The following MYPN variants were observed in gnomAD, a reference collection of about 807,000 sequenced individuals.
The protein encoded by MYPN is myopalladin.
Under a neutral mutation model 129.4 loss-of-function variants are expected in MYPN, and 63 were observed. The ratio of observed to expected loss-of-function variants is 0.49; its 90% CI spans 0.40 to 0.60. The LOEUF (loss-of-function observed/expected upper bound fraction) is 0.60. Ranked by LOEUF, MYPN falls within the 20% of genes least tolerant of loss-of-function variation. MYPN has a pLI of 0.00. For missense variants in MYPN, 1,596 were observed against 1,635.4 expected (o/e 0.98, Z 0.42); for synonymous variants, 629 against 600.9 (o/e 1.05, Z -0.68).
chr10:68,119,081 TA>T (rs1176673840), intron 1 of MYPN, among the ~76,000 whole-genome samples: 3 of 152,186 alleles, frequency 2.0e-5, no homozygotes, highest in Non-Finnish European at 4.4e-5. Context: ...ATTTTCGGTA[TA>T]TTAATTACAT....
At chr10:68,135,502 G>C in intron 2 of MYPN, 1 of 984,876 alleles carries the variant, frequency 1.0e-6, no homozygotes, top group Non-Finnish European at 1.2e-6. Context: ...TGCTTGGAGA[G>C]AGCTGGAAAT....
intron 8 of MYPN, 136 bp from the exon 9 acceptor site, chr10:68,165,566 T>G (rs2043040729): frequency 1.3e-6 from 1 of 747,650 alleles, no homozygotes; most frequent in African/African-American, 1.7e-5. Context: ...ACAATTGTTT[T>G]GACCAATTGT....
intron 13 of MYPN, 100 bp downstream of exon 13, chr10:68,189,226 T>A: frequency 1.2e-6 from 1 of 843,920 alleles, no homozygotes; most frequent in East Asian, 2.5e-5. Flanking sequence ...TTTTTTCTTC[T>A]TTTTTGTATT....
chr10:68,166,150 T>G, intron 9 of MYPN, 144 bp from the exon 10 acceptor site: 1 of 958,758 alleles, frequency 1.0e-6, no homozygotes, highest in East Asian at 2.5e-5. Flanking sequence ...CTTACCATTC[T>G]TTAATGCCCA....
intron 18 of MYPN, among the ~76,000 whole-genome samples, chr10:68,204,960 G>A (rs1278957909): frequency 6.6e-6 from 1 of 151,964 alleles, no homozygotes; most frequent in Non-Finnish European, 1.5e-5. Flanking sequence ...CCTTTGTGCA[G>A]GCTGTTCCAC....
intron 6 of MYPN, among the ~76,000 whole-genome samples, chr10:68,152,839 T>C (rs61857531): frequency 0.13 from 20,381 of 151,972 alleles, 1,684 homozygotes; most frequent in Middle Eastern, 0.22. Flanking sequence ...GGTTTCACCA[T>C]GTTGGTCAGG....
intron 1 of MYPN, among the ~76,000 whole-genome samples, chr10:68,118,639 G>A (rs948039672): frequency 1.3e-5 from 2 of 152,164 alleles, no homozygotes; most frequent in Non-Finnish European, 2.9e-5. Flanking sequence ...TTGGAGACCA[G>A]CCTGGGCAAC....
Position 68,210,904 on chromosome 10 carries a change from A to C in MYPN, c.*449A>C, listed in dbSNP as rs748230333. The C allele has an allele frequency of 2.2e-6, 1 of 455,144 alleles. No homozygotes were observed. The highest frequency in any genetic ancestry group is 1.6e-5 in the South Asian group (1 of 64,476). The allele number at this position is 455,144 out of a possible 1,614,324, so 28.2% of individuals were successfully genotyped here. ...GGCGGACAGGTCACCATCACCTTTC[A>C]TCGATTACATGTATAGCAGTAGTTT... On this transcript the variant is annotated 3_prime_UTR_variant, in exon 20 of 20. Transcript: ENST00000358913.
At chr10:68,173,962 C>T (rs2043184013) in intron 10 of MYPN, 104 bp from the exon 11 acceptor site, 2 of 981,004 alleles carry the variant, frequency 2.0e-6, no homozygotes, top group Non-Finnish European at 3.3e-6. Context: ...CCACCATGCC[C>T]CGCCTATCAT....
chr10:68,189,082 C>A lies in MYPN; in HGVS notation c.2881C>A (p.Pro961Thr), dbSNP rs139996402. 1.2e-6 allele frequency: 2 copies of A among 1,614,132 alleles called. No homozygotes were observed. The highest frequency in any genetic ancestry group is 2.2e-5 in the South Asian group (2 of 91,074). The change falls in exon 13 of 20, where the codon CCA (proline) becomes ACA (threonine). Residue 961 changes from proline (P) to threonine (T), a missense_variant. Coordinates refer to ENST00000358913, the MANE Select transcript of MYPN (RefSeq NM_032578.4). ...LKHFRVTEGSPVTFTCKIVGI... is the reference protein window; with the variant it reads ...LKHFRVTEGSTVTFTCKIVGI... ...GCACTTCCGGGTCACAGAAGGCTCT[C>A]CAGTTACATTCACCTGCAAAATTGT...
rs187207878 is a variant in MYPN, at chr10:68,120,206, G to A, written c.-1-1232G>A. On this transcript the variant is annotated intron_variant, in intron 1 of 19. Coordinates refer to ENST00000358913, the MANE Select transcript of MYPN (RefSeq NM_032578.4). ...TAATCACTGAGCTGCAGCTTTTAAG[G>A]ATGAGAGAGAGTAGTGACAGCCTAA... Among the ~76,000 whole-genome samples the A allele has an allele frequency of 9.9e-5, 15 of 152,212 alleles. No individual in the cohort carries two copies. The East Asian group carries it at 2.9e-3, about 29-fold the overall frequency.
chr10:68,099,003 G>A (rs911195018), intron 1 of MYPN, among the ~76,000 whole-genome samples: 1 of 152,126 alleles, frequency 6.6e-6, no homozygotes, highest in Non-Finnish European at 1.5e-5. Flanking sequence ...GGTTCTCACA[G>A]TTTTCTTAAG....
chr10:68,211,068 T>C lies in MYPN; in HGVS notation c.*613T>C, dbSNP rs2043906127. On this transcript the variant is annotated 3_prime_UTR_variant, in exon 20 of 20. Transcript: ENST00000358913. Reference sequence around the variant, plus strand: ...TAAGGTGTCAAAATGTGCTTGAGATTCCAAAAACTTGCTGAAACACTTGAT... The same window carrying C: ...TAAGGTGTCAAAATGTGCTTGAGATCCCAAAAACTTGCTGAAACACTTGAT... 6.6e-6 allele frequency: 3 copies of C among 454,148 alleles called. No individual in the cohort carries two copies. Among genetic ancestry groups the C allele is most frequent in the South Asian group, 3.1e-5 (2 of 64,480 alleles). The allele number at this position is 454,148 out of a possible 1,614,324, so 28.1% of individuals were successfully genotyped here.
chr10:68,189,125 A>C lies in MYPN; in HGVS notation c.2924A>C (p.Lys975Thr), dbSNP rs200507694. ...AAAATTGTTGGGATACCTGTTCCAA[A>C]GGTAGGGAAGATGACAAGCCAGTTG... ...TCKIVGIPVPKVYWFKDGKQI... is the reference protein window; with the variant it reads ...TCKIVGIPVPTVYWFKDGKQI... Residue 975 changes from lysine (K) to threonine (T), a missense_variant and splice_region_variant, in exon 13 of 20, where the codon AAG becomes ACG. Transcript: ENST00000358913. 4.3e-6 allele frequency: 7 copies of C among 1,612,838 alleles called. 1 individual carries two copies. The South Asian group carries it at 6.6e-5, about 15-fold the overall frequency.
At position 68,145,512 on chromosome 10, in the gene MYPN, G is replaced by A; in HGVS notation, c.1116G>A (p.Lys372=). The stretch of plus-strand genomic sequence containing the variant: ...CTGACTCAGAAGGCGACCCTAACAA[G>A]GAAGAGATGAATCGGTAATTCTGAT... The part of the protein sequence containing the change: ...SSSDSEGDPN[K]EEMNRIQKPN... Residue 372 remains lysine, a synonymous_variant, in exon 4 of 20, where the codon AAG becomes AAA. Coordinates refer to ENST00000358913, the MANE Select transcript of MYPN (RefSeq NM_032578.4). 2 of 1,613,182 alleles carry A rather than the reference G, an allele frequency of 1.2e-6. No individual in the cohort carries two copies. The highest frequency in any genetic ancestry group is 1.7e-6 in the Non-Finnish European group (2 of 1,179,402).
At chr10:68,198,009 A>G (rs1201550484) in intron 16 of MYPN, among the ~76,000 whole-genome samples, 2 of 152,196 alleles carry the variant, frequency 1.3e-5, no homozygotes, top group African/African-American at 4.8e-5. Context: ...CACAATTGAA[A>G]ACTTAGAAAC....
rs373241021 is a variant in MYPN at position 68,175,316 on chromosome 10, C to T, written c.2565-7C>T. Reference sequence around the variant, plus strand: ...ATGGGTGTGTCAGGTGTGGATTTATCTTACAGGCCATCCCAGGGATTAGCG... The same window carrying T: ...ATGGGTGTGTCAGGTGTGGATTTATTTTACAGGCCATCCCAGGGATTAGCG... On this transcript the variant is annotated splice_polypyrimidine_tract_variant and splice_region_variant and intron_variant, in intron 11 of 19. Coordinates refer to ENST00000358913, the MANE Select transcript of MYPN (RefSeq NM_032578.4). 9.5e-5 allele frequency: 153 copies of T among 1,613,750 alleles called. No homozygotes were observed. Among genetic ancestry groups the T allele is most frequent in the Non-Finnish European group, 1.2e-4 (145 of 1,179,888 alleles).
chr10:68,197,038 T>C (rs2043618761), intron 15 of MYPN, among the ~76,000 whole-genome samples: 1 of 152,210 alleles, frequency 6.6e-6, no homozygotes, highest in South Asian at 2.1e-4. Context: ...TTTATTTTGA[T>C]GGCTTTTGAA....
chr10:68,143,077 A>T lies in MYPN; in HGVS notation c.1040A>T (p.Tyr347Phe). Residue 347 changes from tyrosine (Y) to phenylalanine (F), a missense_variant, in exon 3 of 20, where the codon TAT becomes TTT. Tyr to Phe is a conservative substitution (Grantham distance 22, BLOSUM62 3). Coordinates refer to ENST00000358913, the MANE Select transcript of MYPN (RefSeq NM_032578.4). The part of the protein sequence containing the change: ...GRYSCFASNI[Y>F]GTDSTSAEIY... The stretch of plus-strand genomic sequence containing the variant: ...TATTCCTGCTTTGCTTCTAACATCT[A>T]TGGGACAGATTCGACTTCTGCTGAG... 6.2e-7 allele frequency: 1 copy of T among 1,614,086 alleles called. No individual in the cohort carries two copies. The highest frequency in any genetic ancestry group is 8.5e-7 in the Non-Finnish European group (1 of 1,179,992).
Sources: gnomAD v4.1 joint callset for allele counts (sites outside exome capture counted in the v4.1 genomes callset) on GRCh38, gnomAD v4.1.1 for gene constraint, MANE v1.5 for transcripts, NCBI Gene and HGNC (gene_info 2026-07-23, HGNC 2026-07-21) for gene names.